Variants in RBFOX1 observed in about 807,000 individuals in gnomAD.
RBFOX1 encodes the protein RNA binding protein fox-1 homolog 1.
In RBFOX1, 8 loss-of-function variants were observed where a neutral mutation model predicts 57.7. The ratio of observed to expected loss-of-function variants is 0.14; its 90% confidence interval spans 0.08 to 0.25. The LOEUF is 0.25. Among genes scored for constraint, RBFOX1 ranks in the 10% least tolerant of loss-of-function variants. The probability of loss-of-function intolerance (pLI) is 1.00; values close to 1 mark genes in which losing one functional copy is unlikely to be tolerated. For synonymous variants in RBFOX1, 326 were observed against 222.4 expected, an observed-to-expected ratio of 1.47 and a Z score of -4.15; for missense variants, 611 against 548.5, an observed-to-expected ratio of 1.11 and a Z score of -1.14.
chr16:6,192,635 A>C (rs753863417), intron 1 of RBFOX1, among the ~76,000 whole-genome samples: 27 of 152,160 alleles, frequency 1.8e-4, no homozygotes, highest in Non-Finnish European at 4.0e-4. Context: ...TGGAGATCCA[A>C]GTTTATATCT....
chr16:7,157,428 T>C (rs1428455733), intron 4 of RBFOX1, among the ~76,000 whole-genome samples: 1 of 152,042 alleles, frequency 6.6e-6, no homozygotes, highest in Non-Finnish European at 1.5e-5. Context: ...AGTGTTGCCA[T>C]GGAGTCAAAG....
intron 3 of RBFOX1, among the ~76,000 whole-genome samples, chr16:5,696,244 G>T (rs902539475): frequency 6.6e-6 from 1 of 152,170 alleles, no homozygotes; most frequent in Non-Finnish European, 1.5e-5. Flanking sequence ...TTCCTTAGCT[G>T]CCAGAACTAT....
chr16:6,677,127 A>G (rs548492070), intron 3 of RBFOX1, among the ~76,000 whole-genome samples: 53 of 152,356 alleles, frequency 3.5e-4, no homozygotes, highest in Middle Eastern at 3.4e-3. Flanking sequence ...AAGTAGATAG[A>G]TACTTTTTTT....
At chr16:6,876,269 G>A (rs2061830304) in intron 3 of RBFOX1, among the ~76,000 whole-genome samples, 1 of 152,024 alleles carries the variant, frequency 6.6e-6, no homozygotes, top group Non-Finnish European at 1.5e-5. Context: ...CTATTCTTGG[G>A]AATTGTCCTA....
At position 7,216,228 on chromosome 16, in the gene RBFOX1, T is replaced by TA. The variant is rs1296427224; in HGVS notation, c.27+164130_27+164131insA. On this transcript the variant is annotated intron_variant, in intron 4 of 15. Coordinates refer to ENST00000550418, the MANE Select transcript of RBFOX1 (RefSeq NM_018723.4). Reference sequence around the variant, plus strand: ...TCCACTTATTGGCTATTGTGAATCATGCCACTATCTGCATATTAGTTAAGA... The same window carrying TA: ...TCCACTTATTGGCTATTGTGAATCATAGCCACTATCTGCATATTAGTTAAGA... Among the ~76,000 whole-genome samples the TA allele has an allele frequency of 9.2e-5, 14 of 152,342 alleles. 1 individual carries two copies. In the East Asian group the frequency reaches 2.7e-3, roughly 29 times the overall value.
chr16:6,531,007 C>G lies in RBFOX1; in HGVS notation c.-63-123596C>G, dbSNP rs138975674. On this transcript the variant is annotated intron_variant, in intron 2 of 15. Coordinates refer to ENST00000550418, the MANE Select transcript of RBFOX1 (RefSeq NM_018723.4). Reference sequence around the variant, plus strand: ...GTGTCTGTTCCAACCATGCATCGCACAGGCCATTGTCCCCCACCTTGCAGG... The same window carrying G: ...GTGTCTGTTCCAACCATGCATCGCAGAGGCCATTGTCCCCCACCTTGCAGG... 5.4e-4 allele frequency among the ~76,000 whole-genome samples: 82 copies of G among 152,310 alleles called. 1 individual carries two copies. The highest frequency in any genetic ancestry group is 6.8e-3 in the Middle Eastern group (2 of 294).
intron 2 of RBFOX1, among the ~76,000 whole-genome samples, chr16:6,593,095 G>T (rs1041815251): frequency 1.3e-5 from 2 of 152,302 alleles, no homozygotes; most frequent in Non-Finnish European, 2.9e-5. Flanking sequence ...GGGATGCTGA[G>T]GCAGGAGAAT....
At chr16:7,602,538 C>T (rs2095084612) in intron 9 of RBFOX1, among the ~76,000 whole-genome samples, 1 of 152,126 alleles carries the variant, frequency 6.6e-6, no homozygotes, top group Non-Finnish European at 1.5e-5. Flanking sequence ...AAAAGGGGAT[C>T]ATTTTGTTCA....
At chr16:6,678,937 T>C (rs2058193749) in intron 3 of RBFOX1, among the ~76,000 whole-genome samples, 1 of 152,162 alleles carries the variant, frequency 6.6e-6, no homozygotes, top group Non-Finnish European at 1.5e-5. Context: ...CACATGGATG[T>C]GGCATTCAGT....
intron 2 of RBFOX1, among the ~76,000 whole-genome samples, chr16:6,407,657 T>C (rs967504533): frequency 4.6e-5 from 7 of 151,956 alleles, no homozygotes; most frequent in African/African-American, 1.2e-4. Context: ...TTTTGACTTA[T>C]AGTTCCCAGG....
intron 3 of RBFOX1, among the ~76,000 whole-genome samples, chr16:6,913,371 C>T (rs1006200236): frequency 6.6e-5 from 10 of 152,166 alleles, no homozygotes; most frequent in African/African-American, 2.2e-4. Context: ...CGTGTTAGCT[C>T]AGGCCAAGAG....
chr16:5,315,488 G>A (rs1313964289), intron 1 of RBFOX1, among the ~76,000 whole-genome samples: 1 of 152,176 alleles, frequency 6.6e-6, no homozygotes, highest in Non-Finnish European at 1.5e-5. Context: ...GGGGAACGGG[G>A]TCTGCGTAGC....
chr16:7,095,064 TTGA>T (rs919282209), intron 4 of RBFOX1, among the ~76,000 whole-genome samples: 1 of 152,170 alleles, frequency 6.6e-6, no homozygotes, highest in South Asian at 2.1e-4. Context: ...CTATATTTTG[TTGA>T]TGATATTAGT....
At chr16:6,066,679 A>T (rs1256615422) in intron 1 of RBFOX1, among the ~76,000 whole-genome samples, 1 of 152,134 alleles carries the variant, frequency 6.6e-6, no homozygotes, top group East Asian at 1.9e-4. Context: ...AAGTCTCCCG[A>T]AATAGATGAG....
At chr16:6,931,663 C>G (rs1194342079) in intron 3 of RBFOX1, among the ~76,000 whole-genome samples, 3 of 152,168 alleles carry the variant, frequency 2.0e-5, no homozygotes, top group Non-Finnish European at 2.9e-5. Context: ...GATGAGAAAA[C>G]TAATGAAAGG....
chr16:6,868,394 T>C (rs557043121), intron 3 of RBFOX1, among the ~76,000 whole-genome samples: 6 of 152,308 alleles, frequency 3.9e-5, no homozygotes, highest in African/African-American at 1.4e-4. Flanking sequence ...GTAAGTTTTC[T>C]TTTGGGTTAG....
chr16:5,981,215 CA>C (rs2060166516), intron 4 of RBFOX1, among the ~76,000 whole-genome samples: 1 of 152,088 alleles, frequency 6.6e-6, no homozygotes, highest in Non-Finnish European at 1.5e-5. Context: ...TTGGCAGCAG[CA>C]ATGTGAAGGG....
At chr16:5,463,294 G>T (rs2068847663) in intron 1 of RBFOX1, among the ~76,000 whole-genome samples, 1 of 152,068 alleles carries the variant, frequency 6.6e-6, no homozygotes, top group Non-Finnish European at 1.5e-5. Flanking sequence ...ACTGAAAATG[G>T]ATTTTTGCAG....
intron 4 of RBFOX1, among the ~76,000 whole-genome samples, chr16:7,338,625 T>G (rs1356059488): frequency 6.6e-6 from 1 of 152,182 alleles, no homozygotes; most frequent in Non-Finnish European, 1.5e-5. Context: ...ACTCCTGGTC[T>G]CAGACACACA....
Sources: gnomAD v4.1 joint callset for allele counts (sites outside exome capture counted in the v4.1 genomes callset) on GRCh38, gnomAD v4.1.1 for gene constraint, MANE v1.5 for transcripts, NCBI Gene and HGNC (gene_info 2026-07-23, HGNC 2026-07-21) for gene names.